Variants in MYCBP2 observed in about 807,000 individuals in gnomAD.
MYCBP2 encodes the protein E3 ubiquitin-protein ligase MYCBP2.
MYCBP2 carries 120 observed loss-of-function variants against 525.3 expected under a neutral mutation model. That is an observed-to-expected ratio of 0.23 (90% CI 0.20 to 0.27). The LOEUF is 0.27. Ranked by LOEUF, MYCBP2 falls within the 10% of genes least tolerant of loss-of-function variation. The pLI is 1.00. For synonymous variants in MYCBP2, 1,894 were observed against 1,955.8 expected (o/e 0.97, Z 0.83); for missense variants, 4,149 against 5,657.1 (o/e 0.73, Z 8.55).
At chr13:77,276,766 G>C (rs1358460663) in intron 4 of MYCBP2, among the ~76,000 whole-genome samples, 1 of 150,296 alleles carries the variant, frequency 6.7e-6, no homozygotes, top group South Asian at 2.1e-4. Flanking sequence ...TCCTGGGCTC[G>C]AGCGGTCCTC....
chr13:77,062,789 T>C (rs1260960470), intron 73 of MYCBP2, 92 bp from the exon 74 acceptor site: 6 of 974,262 alleles, frequency 6.2e-6, no homozygotes, highest in Non-Finnish European at 9.6e-6. Context: ...CAATAAATGC[T>C]GGCTGATTTT....
In MYCBP2 at chr13:77,243,963, TAC is replaced by T; in HGVS notation, c.2382-14_2382-13del. The stretch of plus-strand genomic sequence containing the variant: ...CACAACCACAGATCCTAGGGGGAAA[TAC>T]AAAAAAAAAAAAAAAAGACAACTGA... On this transcript the variant is annotated splice_polypyrimidine_tract_variant and intron_variant, in intron 15 of 82. Coordinates refer to ENST00000544440, the MANE Select transcript of MYCBP2 (RefSeq NM_015057.5). 11 of 1,104,382 alleles carry T rather than the reference TAC, an allele frequency of 1.0e-5. No homozygotes were observed. In the South Asian group the frequency reaches 1.4e-4, roughly 14 times the overall value. The allele number at this position is 1,104,382 out of a possible 1,614,324, so 68.4% of individuals were successfully genotyped here. A position where few individuals can be genotyped will look rare whatever the true frequency, so the allele number is the denominator to read the frequency against.
rs2054243249 is a variant in MYCBP2 at position 77,139,398 on chromosome 13, G to C, written c.7519-62C>G. On this transcript the variant is annotated intron_variant, in intron 51 of 82. Transcript: ENST00000544440. The stretch of plus-strand genomic sequence containing the variant: ...CTGTAAGTCCTATGAGGCTAGCAAG[G>C]TCTGAAAGTCTGCAAAGCAGAAAAA... 6 of 1,525,220 alleles carry C rather than the reference G, an allele frequency of 3.9e-6. No homozygotes were observed. In the South Asian group the frequency reaches 7.7e-5, roughly 19 times the overall value. The allele number at this position is 1,525,220 out of a possible 1,614,324, so 94.5% of individuals were successfully genotyped here.
intron 8 of MYCBP2, among the ~76,000 whole-genome samples, chr13:77,266,105 T>A (rs1380689709): frequency 6.6e-6 from 1 of 152,160 alleles, no homozygotes; most frequent in East Asian, 1.9e-4. Context: ...AAAACAGCTG[T>A]AGGCACATAT....
At chr13:77,101,115 G>A (rs143968936) in intron 55 of MYCBP2, among the ~76,000 whole-genome samples, 93 of 152,200 alleles carry the variant, frequency 6.1e-4, no homozygotes, top group South Asian at 4.1e-3. Flanking sequence ...CTGGAGACAT[G>A]TTTATCACCT....
intron 23 of MYCBP2, among the ~76,000 whole-genome samples, chr13:77,207,639 T>G (rs2063505339): frequency 6.6e-6 from 1 of 152,240 alleles, no homozygotes; most frequent in Non-Finnish European, 1.5e-5. Flanking sequence ...AAATTATTTT[T>G]AAAAAGCACT....
At chr13:77,151,974 C>T (rs987380751) in intron 46 of MYCBP2, among the ~76,000 whole-genome samples, 4 of 152,196 alleles carry the variant, frequency 2.6e-5, no homozygotes, top group African/African-American at 9.7e-5. Flanking sequence ...CTGCTCCCTA[C>T]AGACAATAGT....
At chr13:77,230,673 C>T (rs543932336) in intron 18 of MYCBP2, among the ~76,000 whole-genome samples, 1 of 152,328 alleles carries the variant, frequency 6.6e-6, no homozygotes, top group South Asian at 2.1e-4. Context: ...TATCCCTGCA[C>T]TATCAGAAAG....
At chr13:77,249,526 C>T (rs1594328066) in intron 15 of MYCBP2, among the ~76,000 whole-genome samples, 1 of 152,084 alleles carries the variant, frequency 6.6e-6, no homozygotes, top group African/African-American at 2.4e-5. Flanking sequence ...ATACTGGCTG[C>T]TTAAGCTCAG....
chr13:77,075,432 C>G (rs1373058867), intron 68 of MYCBP2: 1 of 152,180 alleles, frequency 6.6e-6, no homozygotes, highest in African/African-American at 2.4e-5. Flanking sequence ...AGCATACACT[C>G]TCCCACCCTT....
intron 20 of MYCBP2, among the ~76,000 whole-genome samples, chr13:77,222,254 C>T (rs1045755656): frequency 1.3e-5 from 2 of 152,190 alleles, no homozygotes; most frequent in Non-Finnish European, 2.9e-5. Context: ...GGTATTATGT[C>T]ATATCCAGCA....
chr13:77,235,100 T>A (rs2067713241), intron 17 of MYCBP2, among the ~76,000 whole-genome samples: 1 of 152,088 alleles, frequency 6.6e-6, no homozygotes, highest in South Asian at 2.1e-4. Context: ...TTCACCAAAT[T>A]TTCTGATTAT....
At chr13:77,282,038 T>A (rs1354008803) in intron 3 of MYCBP2, among the ~76,000 whole-genome samples, 1 of 151,986 alleles carries the variant, frequency 6.6e-6, no homozygotes, top group Non-Finnish European at 1.5e-5. Context: ...ATAAAAAATT[T>A]AAAAATCTAG....
chr13:77,099,488 T>G lies in MYCBP2; in HGVS notation c.8141-475A>C, dbSNP rs570659688. On this transcript the variant is annotated intron_variant, in intron 55 of 82. Transcript: ENST00000544440. ...GTTTTGTTGAATTAGAGAACTGAAT[T>G]TATGCATAGACACAATTATAATTTT... The G allele has an allele frequency of 2.8e-5, 5 of 180,738 alleles. No individual in the cohort carries two copies. The East Asian group carries it at 7.9e-4, about 29-fold the overall frequency. 11.2% of individuals were successfully genotyped at this position (180,738 alleles called of 1,614,324 possible).
intron 76 of MYCBP2, among the ~76,000 whole-genome samples, chr13:77,060,692 A>C (rs905792397): frequency 6.6e-5 from 10 of 152,182 alleles, no homozygotes; most frequent in African/African-American, 2.4e-5. Context: ...CTATCAATGG[A>C]AACAGTACCA....
rs746824378 is a variant in MYCBP2, at chr13:77,090,238, T to C, written c.10393A>G (p.Thr3465Ala). Residue 3465 changes from threonine (T) to alanine (A), a missense_variant, in exon 60 of 83, where the codon ACT (threonine) becomes GCT (alanine). This residue lies in a region of MYCBP2 where 509 missense variants were observed against 789.4 expected (regional missense o/e 0.64). Coordinates refer to ENST00000544440, the MANE Select transcript of MYCBP2 (RefSeq NM_015057.5). ...AAGACAGTTCTCTTTGCAAGATCAG[T>C]ATCAGTTATGGGACTGGTTTCTAAA... Reference protein sequence around the residue: ...PSLETSPITDTDLAKRTVFQR... With the variant: ...PSLETSPITDADLAKRTVFQR... 3 of 1,612,186 alleles carry C rather than the reference T, an allele frequency of 1.9e-6. No homozygotes were observed. Among genetic ancestry groups the C allele is most frequent in the Admixed American group, 1.7e-5 (1 of 59,882 alleles).
At chr13:77,153,081 A>G (rs2056734906) in intron 46 of MYCBP2, among the ~76,000 whole-genome samples, 1 of 151,850 alleles carries the variant, frequency 6.6e-6, no homozygotes, top group Admixed American at 6.6e-5. Flanking sequence ...AAAAAAAAAA[A>G]AAAAAAATCT....
intron 6 of MYCBP2, 106 bp from the exon 7 acceptor site, chr13:77,270,169 G>A: frequency 7.0e-7 from 1 of 1,431,642 alleles, no homozygotes; most frequent in South Asian, 1.4e-5. Flanking sequence ...TTCAATTATG[G>A]TTTTCAAATA....
intron 32 of MYCBP2, among the ~76,000 whole-genome samples, chr13:77,182,768 G>T (rs2060330102): frequency 6.6e-6 from 1 of 152,190 alleles, no homozygotes; most frequent in South Asian, 2.1e-4. Flanking sequence ...ACGAAGGAGG[G>T]CGGGGAGGCC....
Sources: allele counts gnomAD v4.1 joint callset (sites outside exome capture counted in the v4.1 genomes callset), GRCh38; gene constraint gnomAD v4.1.1; regional missense constraint gnomAD v4.1.1; transcripts MANE v1.5; gene names NCBI Gene and HGNC (gene_info 2026-07-23, HGNC 2026-07-21).